The following GOLGA4 variants were observed in gnomAD, a reference collection of about 807,000 sequenced individuals.
The protein encoded by GOLGA4 is golgin A4, also known as golgin subfamily A member 4.
Under a neutral mutation model 265.9 loss-of-function variants are expected in GOLGA4, and 169 were observed. The ratio of observed to expected loss-of-function variants is 0.64; its 90% CI spans 0.56 to 0.72. The LOEUF (loss-of-function observed/expected upper bound fraction) is 0.72, where lower values mean the gene tolerates loss of function less well. Among genes scored for constraint, GOLGA4 ranks in the 30% least tolerant of loss-of-function variants. GOLGA4 has a pLI of 0.00. For synonymous variants in GOLGA4, 923 were observed against 855.8 expected (o/e 1.08, Z -1.37); for missense variants, 2,482 against 2,483.4 (o/e 1.00, Z 0.01).
At chr3:37,244,601 T>A (rs1282545531) in intron 1 of GOLGA4, among the ~76,000 whole-genome samples, 1 of 152,210 alleles carries the variant, frequency 6.6e-6, no homozygotes, top group Non-Finnish European at 1.5e-5. Context: ...GGTCTTTGCT[T>A]GCGGTTGCAA....
At position 37,243,605 on chromosome 3, in the gene GOLGA4, G is replaced by A; in HGVS notation, c.55G>A (p.Ala19Thr). The change falls in exon 1 of 24, where the codon GCG becomes ACG. Residue 19 changes from alanine to threonine, a missense_variant. Ala to Thr is a moderately conservative substitution (Grantham distance 58). Around this residue, in one of 3 missense-constraint regions of GOLGA4, gnomAD observed 1,536 missense variants for 1,483.7 expected, o/e 1.04. Transcript: ENST00000361924. ...ISEEQQQLQQ[A>T]LAPAQASSNS... ...CGAGGAGCAGCAGCAGCTCCAGCAG[G>A]CGCTGGCTCCTGCTCAGGTACGATG... The A allele has an allele frequency of 3.7e-6, 6 of 1,613,372 alleles. No homozygotes were observed. The East Asian group carries it at 6.7e-5, about 18-fold the overall frequency.
chr3:37,254,236 G>C (rs1011913534), intron 2 of GOLGA4, among the ~76,000 whole-genome samples: 3 of 151,872 alleles, frequency 2.0e-5, no homozygotes, highest in Non-Finnish European at 2.9e-5. Flanking sequence ...TATTTGAGAT[G>C]GTAAAGTTAA....
Position 37,355,178 on chromosome 3 carries a change from T to C in GOLGA4, c.6654T>C (p.Ala2218=), listed in dbSNP as rs775443917. 4.1e-5 allele frequency: 65 copies of C among 1,570,028 alleles called. No homozygotes were observed. The highest frequency in any genetic ancestry group is 5.4e-5 in the Non-Finnish European group (62 of 1,140,176). Residue 2218 remains alanine, a synonymous_variant, in exon 22 of 24, where the codon GCT becomes GCC. Transcript: ENST00000361924. ...AGAAAATTTTGGAAAGAGAAGATGC[T>C]CGGCTGATGGTAAGTTCTGGAAGTG... The part of the protein sequence containing the change: ...QTQKILERED[A]RLMFTSPRSG...
At chr3:37,322,339 A>G (rs946677936) in intron 13 of GOLGA4, among the ~76,000 whole-genome samples, 5 of 152,128 alleles carry the variant, frequency 3.3e-5, no homozygotes, top group Non-Finnish European at 7.3e-5. Flanking sequence ...CAGTTTTTCC[A>G]TACTAAACAT....
chr3:37,257,946 TATGTATGTATATATGTATATATACATAC>T (rs1560279734), intron 2 of GOLGA4, among the ~76,000 whole-genome samples: 1,921 of 117,188 alleles, frequency 0.016, 315 homozygotes, highest in Middle Eastern at 0.026. Flanking sequence ...CATACATATA[TATGTATGTATATATGTATATATACATAC>T]ATATATATAT....
intron 20 of GOLGA4, among the ~76,000 whole-genome samples, chr3:37,342,632 G>A (rs1293847791): frequency 6.6e-6 from 1 of 152,092 alleles, no homozygotes; most frequent in Middle Eastern, 3.2e-3. Context: ...TTAATATAAG[G>A]TTTGAGAGTT....
At chr3:37,287,048 A>G (rs1196663731) in intron 4 of GOLGA4, among the ~76,000 whole-genome samples, 1 of 152,326 alleles carries the variant, frequency 6.6e-6, no homozygotes, top group South Asian at 2.1e-4. Flanking sequence ...GTTTTAAAAT[A>G]AAATATAGTT....
intron 21 of GOLGA4, among the ~76,000 whole-genome samples, chr3:37,354,221 A>G (rs1461030964): frequency 6.6e-6 from 1 of 151,896 alleles, no homozygotes; most frequent in African/African-American, 2.4e-5. Flanking sequence ...CCCTTCCCCC[A>G]TATGCAAAGT....
In GOLGA4 at chr3:37,257,934, TAC is replaced by T. The variant is rs1319624703; in HGVS notation, c.162+6452_162+6453del. ...ATATATGTATGTATATATGTATATA[TAC>T]ATACATATATATGTATGTATATATG... is the stretch of plus-strand genomic sequence containing the variant. On this transcript the variant is annotated intron_variant, in intron 2 of 23. Transcript: ENST00000361924. Among the ~76,000 whole-genome samples, 19 of 111,664 alleles carry T rather than the reference TAC, an allele frequency of 1.7e-4. 1 individual carries two copies. The highest frequency in any genetic ancestry group is 2.0e-4 in the Non-Finnish European group (12 of 58,580). 73.3% of individuals were successfully genotyped at this position (111,664 alleles called of 152,430 possible). A position where few individuals can be genotyped will look rare whatever the true frequency, so the allele number is the denominator to read the frequency against.
At chr3:37,362,197 T>TTTTATTTA (rs144532752) in intron 23 of GOLGA4, among the ~76,000 whole-genome samples, 54 of 135,402 alleles carry the variant, frequency 4.0e-4, no homozygotes, top group South Asian at 3.2e-3. Flanking sequence ...TCTTTTAAGC[T>TTTTATTTA]TTTATTTATT....
chr3:37,301,990 T>C (rs139785153), intron 9 of GOLGA4, among the ~76,000 whole-genome samples, 195 bp from the exon 10 acceptor site: 130 of 152,304 alleles, frequency 8.5e-4, no homozygotes, highest in Non-Finnish European at 1.6e-3. Context: ...GGTTTCGCCA[T>C]GTTGGCCAGG....
chr3:37,319,165 G>A lies in GOLGA4; in HGVS notation c.1516G>A (p.Glu506Lys), dbSNP rs1373358644. Residue 506 changes from glutamate (E) to lysine (K), a missense_variant, in exon 12 of 24, where the codon GAA becomes AAA. Physicochemically the swap from Glu to Lys is moderately conservative, Grantham distance 56. Transcript: ENST00000361924. ...LTKKLQTRER[E>K]FQEQMKVALE... The stretch of plus-strand genomic sequence containing the variant: ...CAAGAAGCTTCAGACCCGAGAAAGG[G>A]AATTTCAGGAACAAATGAAAGTAGC... 2 of 1,609,170 alleles carry A rather than the reference G, an allele frequency of 1.2e-6. No homozygotes were observed. Among genetic ancestry groups the A allele is most frequent in the South Asian group, 2.2e-5 (2 of 89,932 alleles).
intron 1 of GOLGA4, among the ~76,000 whole-genome samples, chr3:37,249,318 T>G (rs2096727696): frequency 1.3e-5 from 2 of 152,246 alleles, no homozygotes; most frequent in South Asian, 2.1e-4. Context: ...CCCTTGCCAT[T>G]TTCTAAGTAC....
At chr3:37,257,907 A>G (rs1308486239) in intron 2 of GOLGA4, among the ~76,000 whole-genome samples, 2 of 127,512 alleles carry the variant, frequency 1.6e-5, no homozygotes, top group African/African-American at 3.0e-5. Context: ...ATATATATAT[A>G]TATATATGTA....
At position 37,282,052 on chromosome 3, in the gene GOLGA4, G is replaced by A. The variant is rs1162546711; in HGVS notation, c.257G>A (p.Arg86Gln). ...AGTCCGATAAAGGAATCTCTATTCC[G>A]GTCTTCTTCTAAAGAGTCTTTGGTA... ...FRSPIKESLF[R>Q]SSSKESLVRT... Residue 86 changes from arginine to glutamine, a missense_variant, in exon 3 of 24, where the codon CGG (arginine) becomes CAG (glutamine). Coordinates refer to ENST00000361924, the MANE Select transcript of GOLGA4 (RefSeq NM_002078.5). The A allele has an allele frequency of 1.2e-5, 20 of 1,613,758 alleles. No individual in the cohort carries two copies. Among genetic ancestry groups the A allele is most frequent in the Non-Finnish European group, 1.6e-5 (19 of 1,179,840 alleles).
intron 2 of GOLGA4, among the ~76,000 whole-genome samples, chr3:37,252,980 G>A (rs1384191020): frequency 6.6e-6 from 1 of 152,108 alleles, no homozygotes; most frequent in Non-Finnish European, 1.5e-5. Context: ...CAAGTATGGT[G>A]GCTCATGCCT....
chr3:37,312,555 A>G (rs945868056), intron 10 of GOLGA4, among the ~76,000 whole-genome samples: 1 of 115,330 alleles, frequency 8.7e-6, no homozygotes, highest in East Asian at 2.0e-4. Context: ...ACAGGGTCTC[A>G]CTTGTCACCT....
chr3:37,248,594 T>C (rs1460399071), intron 1 of GOLGA4, among the ~76,000 whole-genome samples: 1 of 152,212 alleles, frequency 6.6e-6, no homozygotes, highest in African/African-American at 2.4e-5. Context: ...CATATAATTC[T>C]TACTCTTGTA....
At chr3:37,348,924 A>G (rs2097064718) in intron 21 of GOLGA4, among the ~76,000 whole-genome samples, 1 of 152,162 alleles carries the variant, frequency 6.6e-6, no homozygotes, top group South Asian at 2.1e-4. Context: ...CTTGTGCTTC[A>G]GGGCTCTGCA....
Sources: gnomAD v4.1 joint callset for allele counts (sites outside exome capture counted in the v4.1 genomes callset) on GRCh38, gnomAD v4.1.1 for gene constraint, gnomAD v4.1.1 regional missense constraint, MANE v1.5 for transcripts, NCBI Gene and HGNC (gene_info 2026-07-23, HGNC 2026-07-21) for gene names.